Variants in FBXW8 observed in about 807,000 individuals in gnomAD.
FBXW8 encodes F-box/WD repeat-containing protein 8.
Under a neutral mutation model 65.3 loss-of-function variants are expected in FBXW8, and 57 were observed. The ratio of observed to expected loss-of-function variants is 0.87; its 90% CI spans 0.71 to 1.09. The LOEUF (loss-of-function observed/expected upper bound fraction) is 1.09, where lower values mean the gene tolerates loss of function less well. Ranked by LOEUF, FBXW8 falls within the 50% of genes least tolerant of loss-of-function variation. The probability of loss-of-function intolerance (pLI) is 0.00; values close to 1 mark genes in which losing one functional copy is unlikely to be tolerated. For missense variants in FBXW8, 777 were observed against 814.8 expected (o/e 0.95, Z 0.57); for synonymous variants, 308 against 330.2 (o/e 0.93, Z 0.73).
chr12:116,947,227 CAT>C (rs1477819616), intron 3 of FBXW8, among the ~76,000 whole-genome samples: 1 of 152,128 alleles, frequency 6.6e-6, no homozygotes, highest in Non-Finnish European at 1.5e-5. Context: ...AACAGGAAGT[CAT>C]GTGTTAGGTA....
intron 7 of FBXW8, among the ~76,000 whole-genome samples, chr12:116,997,793 T>TC (rs1420748901): frequency 6.6e-6 from 1 of 152,184 alleles, no homozygotes; most frequent in Non-Finnish European, 1.5e-5. Flanking sequence ...GGATTCACTT[T>TC]CCCAAGAATT....
Position 116,936,123 on chromosome 12 carries a change from C to A in FBXW8, c.423+7996C>A, listed in dbSNP as rs1882139251. Among the ~76,000 whole-genome samples, 2 of 152,132 alleles carry A rather than the reference C, an allele frequency of 1.3e-5. No individual in the cohort carries two copies. ...GACAGTAGAGGTGATATGGGGGTTG[C>A]ACTTTTGAGTGGCCAGGGAAGACTT... On this transcript the variant is annotated intron_variant, in intron 2 of 10. Transcript: ENST00000652555. This position sits in a 1 kb window ranked among gnomAD's most constrained non-coding sequence, Gnocchi z 4.6.
At chr12:116,970,834 C>T (rs1033956671) in intron 5 of FBXW8, among the ~76,000 whole-genome samples, 5 of 151,978 alleles carry the variant, frequency 3.3e-5, no homozygotes, top group African/African-American at 1.2e-4. Context: ...CTTTGTTTTC[C>T]AGTCAGTCTT....
intron 1 of FBXW8, among the ~76,000 whole-genome samples, chr12:116,921,748 T>C (rs1216789104): frequency 1.3e-5 from 2 of 151,290 alleles, no homozygotes; most frequent in African/African-American, 2.4e-5. Flanking sequence ...TTCAGAAGAA[T>C]AGAAGAAAAT....
At chr12:116,991,849 T>C (rs1180484063) in intron 7 of FBXW8, among the ~76,000 whole-genome samples, 1 of 152,264 alleles carries the variant, frequency 6.6e-6, no homozygotes, top group African/African-American at 2.4e-5. Flanking sequence ...TGTTGAAGTA[T>C]TCCAGAGGTG....
chr12:117,018,466 G>A (rs748327555), intron 8 of FBXW8, among the ~76,000 whole-genome samples: 3 of 152,158 alleles, frequency 2.0e-5, no homozygotes, highest in African/African-American at 7.2e-5. Flanking sequence ...AGCTGACGAC[G>A]GGCTTTGCCA....
At position 117,011,127 on chromosome 12, in the gene FBXW8, C is replaced by CTTTTTTTTTTT. The variant is rs397946872; in HGVS notation, c.1367+682_1367+692dup. On this transcript the variant is annotated intron_variant, in intron 8 of 10. Transcript: ENST00000652555. The stretch of plus-strand genomic sequence containing the variant: ...CTTCTTTCCTTGTTTTTTTCTTTTC[C>CTTTTTTTTTTT]TTTTTTTTTTTTTTTGGCCAGTTAT... Among the ~76,000 whole-genome samples the CTTTTTTTTTTT allele has an allele frequency of 8.2e-5, 10 of 122,176 alleles. 1 individual carries two copies. Among genetic ancestry groups the CTTTTTTTTTTT allele is most frequent in the African/African-American group, 1.4e-4 (4 of 27,834 alleles). The allele number at this position is 122,176 out of a possible 152,430, so 80.2% of individuals were successfully genotyped here.
At chr12:116,980,719 G>T (rs1279578702) in intron 5 of FBXW8, among the ~76,000 whole-genome samples, 2 of 152,174 alleles carry the variant, frequency 1.3e-5, no homozygotes, top group Non-Finnish European at 2.9e-5. Context: ...TGCAGACTTG[G>T]TTCAAGTTAA....
intron 5 of FBXW8, among the ~76,000 whole-genome samples, chr12:116,975,897 A>G (rs774649516): frequency 1.3e-4 from 20 of 152,226 alleles, no homozygotes; most frequent in Non-Finnish European, 2.2e-4. Flanking sequence ...GGAATTCTGG[A>G]TTGGATCCTG....
At chr12:117,024,513 C>A (rs1036008909) in intron 9 of FBXW8, among the ~76,000 whole-genome samples, 193 bp downstream of exon 9, 3 of 152,200 alleles carry the variant, frequency 2.0e-5, no homozygotes, top group Admixed American at 6.5e-5. Context: ...TTGGAAATGG[C>A]GCTGGTCAGT....
At chr12:117,005,291 T>C (rs1488000832) in intron 7 of FBXW8, among the ~76,000 whole-genome samples, 2 of 152,206 alleles carry the variant, frequency 1.3e-5, no homozygotes, top group African/African-American at 4.8e-5. Flanking sequence ...TACCAATCAG[T>C]GAGCCTCCAA....
At position 117,028,215 on chromosome 12, in the gene FBXW8, C is replaced by T. The variant is rs1251803827; in HGVS notation, c.*43C>T. ...GAGCAAGGAGAAAAATGGGAAGAAC[C>T]AGTTTTATCCATCTTAAAACGCCAG... On this transcript the variant is annotated 3_prime_UTR_variant, in exon 11 of 11. Coordinates refer to ENST00000652555, the MANE Select transcript of FBXW8 (RefSeq NM_153348.3). The surrounding 1 kb of genome is among the most constrained non-coding windows in gnomAD (Gnocchi z 4.1). The T allele has an allele frequency of 3.7e-6, 6 of 1,606,182 alleles. No homozygotes were observed. The highest frequency in any genetic ancestry group is 5.1e-6 in the Non-Finnish European group (6 of 1,175,052).
At chr12:117,022,393 G>A (rs886538116) in intron 8 of FBXW8, among the ~76,000 whole-genome samples, 24 of 151,646 alleles carry the variant, frequency 1.6e-4, no homozygotes, top group African/African-American at 5.6e-4. Flanking sequence ...AATGGCACAT[G>A]CCTGTAATCC....
chr12:116,954,600 T>C (rs1367647678), intron 4 of FBXW8, among the ~76,000 whole-genome samples: 1 of 152,210 alleles, frequency 6.6e-6, no homozygotes, highest in African/African-American at 2.4e-5. Context: ...TCTATATAAG[T>C]ATATAAAATA....
chr12:116,965,903 C>T (rs531055534), intron 5 of FBXW8, among the ~76,000 whole-genome samples: 6 of 150,990 alleles, frequency 4.0e-5, no homozygotes, highest in African/African-American at 7.3e-5. Context: ...GGACTACAGG[C>T]GCATGCCACC....
intron 4 of FBXW8, among the ~76,000 whole-genome samples, chr12:116,963,014 C>T (rs12310473): frequency 0.013 from 2,022 of 152,214 alleles, 39 homozygotes; most frequent in African/African-American, 0.046. Context: ...CTTGCTTGCA[C>T]GTCGCTGGGC....
At chr12:117,005,664 C>A (rs116379905) in intron 7 of FBXW8, among the ~76,000 whole-genome samples, 37 of 152,342 alleles carry the variant, frequency 2.4e-4, no homozygotes, top group African/African-American at 8.7e-4. Context: ...ACTGTCAGCA[C>A]TGACCAGGGG....
chr12:117,011,221 C>T (rs1047738013), intron 8 of FBXW8, among the ~76,000 whole-genome samples: 1 of 147,326 alleles, frequency 6.8e-6, no homozygotes, highest in African/African-American at 2.6e-5. Context: ...CTGGCGCCCC[C>T]TCCCCTGGGC....
chr12:116,939,510 GTGT>G (rs750732692), intron 2 of FBXW8, among the ~76,000 whole-genome samples: 3 of 152,170 alleles, frequency 2.0e-5, no homozygotes, highest in East Asian at 1.9e-4. Flanking sequence ...ACACCTGGAG[GTGT>G]TGTTCTACTG....
Sources: gnomAD v4.1 joint callset for allele counts (sites outside exome capture counted in the v4.1 genomes callset) on GRCh38, gnomAD v4.1.1 for gene constraint, Gnocchi (gnomAD v3.1) non-coding constraint, MANE v1.5 for transcripts, NCBI Gene and HGNC (gene_info 2026-07-23, HGNC 2026-07-21) for gene names.